MFN1: variants seen among roughly 807,000 people sequenced by gnomAD.
The protein encoded by MFN1 is mitofusin-1.
A neutral mutation model predicts 92.4 loss-of-function variants in MFN1; 65 were observed. The ratio of observed to expected loss-of-function variants is 0.70; its 90% CI spans 0.58 to 0.86. MFN1 has a LOEUF of 0.86. Ranked by LOEUF, MFN1 falls within the 40% of genes least tolerant of loss-of-function variation. The pLI is 0.00. For synonymous variants in MFN1, 297 were observed against 300.9 expected (o/e 0.99, Z 0.13); for missense variants, 781 against 868.0 (o/e 0.90, Z 1.26).
intron 16 of MFN1, among the ~76,000 whole-genome samples, chr3:179,389,271 TA>T (rs1383744329): frequency 1.3e-5 from 2 of 152,186 alleles, no homozygotes; most frequent in Non-Finnish European, 1.5e-5. Flanking sequence ...CTGAAATTCA[TA>T]TAAATAAAAA....
At chr3:179,390,820 G>T (rs1479505719) in intron 17 of MFN1, among the ~76,000 whole-genome samples, 1 of 152,138 alleles carries the variant, frequency 6.6e-6, no homozygotes. Context: ...ACACAAAATT[G>T]CCTGTGTAAG....
At chr3:179,366,441 A>G (rs529450387) in intron 7 of MFN1, among the ~76,000 whole-genome samples, 1 of 151,922 alleles carries the variant, frequency 6.6e-6, no homozygotes, top group African/African-American at 2.4e-5. Flanking sequence ...AAAAAGAAGT[A>G]TCTGGAATTT....
chr3:179,377,381 C>G lies in MFN1; in HGVS notation c.1262C>G (p.Ser421Cys). Residue 421 changes from serine (S) to cysteine (C), a missense_variant, in exon 12 of 18, where the codon TCT (serine) becomes TGT (cysteine). Ser to Cys is a moderately radical substitution (Grantham distance 112, BLOSUM62 -1). Coordinates refer to ENST00000471841, the MANE Select transcript of MFN1 (RefSeq NM_033540.3). Reference sequence around the variant, plus strand: ...ATGACAGATGAAATTTGTCGACTGTCTGTTTTGGTTGATGAATTTTGTTCA... The same window carrying G: ...ATGACAGATGAAATTTGTCGACTGTGTGTTTTGGTTGATGAATTTTGTTCA... ...CAMTDEICRL[S>C]VLVDEFCSEF... is the part of the protein sequence containing the mutation. 1 of 1,609,726 alleles carries G rather than the reference C, an allele frequency of 6.2e-7. No individual in the cohort carries two copies. Among genetic ancestry groups the G allele is most frequent in the Non-Finnish European group, 8.5e-7 (1 of 1,178,464 alleles).
chr3:179,379,343 A>T (rs531557574), intron 14 of MFN1, among the ~76,000 whole-genome samples: 1 of 152,266 alleles, frequency 6.6e-6, no homozygotes, highest in African/African-American at 2.4e-5. Context: ...CTGTTTAAAA[A>T]AAATTTTTTT....
At chr3:179,362,718 TGCAGTGCC>T (rs934637739) in intron 5 of MFN1, among the ~76,000 whole-genome samples, 16 of 152,156 alleles carry the variant, frequency 1.1e-4, no homozygotes, top group Non-Finnish European at 2.9e-5. Context: ...TTGGCCAGAG[TGCAGTGCC>T]GCAGTGCCAC....
Position 179,352,038 on chromosome 3 carries a change from AATT to A in MFN1, c.248+7_248+9del, listed in dbSNP as rs1384610892. ...ATGAAGGTGGCATTTTTTGGCAGGTAATTATTTATTATTACTTCTAAGATTAGT... is the reference window on the plus strand; with the variant it reads ...ATGAAGGTGGCATTTTTTGGCAGGTAATTTATTATTACTTCTAAGATTAGT... On this transcript the variant is annotated splice_donor_5th_base_variant and intron_variant, in intron 3 of 17. Coordinates refer to ENST00000471841, the MANE Select transcript of MFN1 (RefSeq NM_033540.3). The A allele has an allele frequency of 6.3e-7, 1 of 1,586,566 alleles. No homozygotes were observed. Among genetic ancestry groups the A allele is most frequent in the Admixed American group, 1.7e-5 (1 of 58,516 alleles).
chr3:179,378,565 T>C lies in MFN1; in HGVS notation c.1433-20T>C. 2.5e-6 allele frequency: 4 copies of C among 1,582,020 alleles called. No homozygotes were observed. Among genetic ancestry groups the C allele is most frequent in the Non-Finnish European group, 3.5e-6 (4 of 1,155,490 alleles). The stretch of plus-strand genomic sequence containing the variant: ...CATTTACCATTCTTATCTTAAGTGT[T>C]GTAATTTTGTTCTTTCTAGAAAATT... On this transcript the variant is annotated intron_variant, in intron 13 of 17. Transcript: ENST00000471841.
intron 16 of MFN1, among the ~76,000 whole-genome samples, chr3:179,388,172 A>C (rs1713765398): frequency 6.6e-6 from 1 of 151,876 alleles, no homozygotes; most frequent in African/African-American, 2.4e-5. Flanking sequence ...CACAGGCGTG[A>C]GCCACCGCGC....
Position 179,362,409 on chromosome 3 carries a change from G to A in MFN1, c.463G>A (p.Gly155Ser), listed in dbSNP as rs201683587. 3 of 1,613,366 alleles carry A rather than the reference G, an allele frequency of 1.9e-6. No individual in the cohort carries two copies. Among genetic ancestry groups the A allele is most frequent in the Non-Finnish European group, 2.5e-6 (3 of 1,179,938 alleles). ...TCACATGGACAAAGATTTGAAAGCT[G>A]GCTGTCTTGTACGTGTGTTTTGGCC... ...ALHMDKDLKAGCLVRVFWPKA... is the reference protein window; with the variant it reads ...ALHMDKDLKASCLVRVFWPKA... The change falls in exon 5 of 18, where the codon GGC (glycine) becomes AGC (serine). Residue 155 changes from glycine (G) to serine (S), a missense_variant. Transcript: ENST00000471841.
chr3:179,361,891 T>C (rs1427892368), intron 4 of MFN1, among the ~76,000 whole-genome samples: 1 of 152,204 alleles, frequency 6.6e-6, no homozygotes, highest in South Asian at 2.1e-4. Context: ...GTTTCTGCAT[T>C]AATTGACTTA....
At chr3:179,367,749 C>G (rs1047035233) in intron 8 of MFN1, among the ~76,000 whole-genome samples, 157 bp downstream of exon 8, 4 of 151,782 alleles carry the variant, frequency 2.6e-5, no homozygotes, top group African/African-American at 9.7e-5. Flanking sequence ...ATGGTGAAAC[C>G]CCATCTCTAC....
chr3:179,363,714 A>G (rs1712672466), intron 5 of MFN1, among the ~76,000 whole-genome samples: 1 of 152,008 alleles, frequency 6.6e-6, no homozygotes, highest in Non-Finnish European at 1.5e-5. Context: ...GGCTGGTCTC[A>G]AAGTCCTGGA....
At position 179,367,426 on chromosome 3, in the gene MFN1, G is replaced by A. The variant is rs1315883574; in HGVS notation, c.754-13G>A. ...AAATTATTAGAATTCTTTTAATACC[G>A]TTTTCTCTGTAGGTACGCAGACAGC... On this transcript the variant is annotated splice_polypyrimidine_tract_variant and intron_variant, in intron 7 of 17. Transcript: ENST00000471841. 8.2e-6 allele frequency: 13 copies of A among 1,591,394 alleles called. No homozygotes were observed. Among genetic ancestry groups the A allele is most frequent in the East Asian group, 2.3e-5 (1 of 44,412 alleles).
intron 1 of MFN1, 174 bp downstream of exon 1, chr3:179,347,984 CGAGCCCACG>C (rs1174479254): frequency 6.6e-6 from 1 of 151,498 alleles, no homozygotes; most frequent in Non-Finnish European, 1.5e-5. Context: ...GCGGCCGAGT[CGAGCCCACG>C]GAGCCCACGA....
At chr3:179,385,063 G>A (rs1168371528) in intron 14 of MFN1, among the ~76,000 whole-genome samples, 1 of 150,510 alleles carries the variant, frequency 6.6e-6, no homozygotes, top group African/African-American at 2.5e-5. Flanking sequence ...CCACCACCTC[G>A]CTGGGCTAAT....
chr3:179,391,729 C>T (rs1011288283), intron 17 of MFN1, among the ~76,000 whole-genome samples: 4 of 152,208 alleles, frequency 2.6e-5, no homozygotes, highest in South Asian at 2.1e-4. Flanking sequence ...ATGCCATTGC[C>T]GCTGTAACAT....
chr3:179,387,029 C>A (rs1023728178), intron 16 of MFN1, among the ~76,000 whole-genome samples: 2 of 152,058 alleles, frequency 1.3e-5, no homozygotes, highest in African/African-American at 4.8e-5. Flanking sequence ...GATCTTACTG[C>A]CTCAGCCTCC....
chr3:179,386,966 G>A (rs115477107), intron 16 of MFN1, among the ~76,000 whole-genome samples: 1,857 of 152,058 alleles, frequency 0.012, 35 homozygotes, highest in African/African-American at 0.043. Context: ...CGCCCAGGCT[G>A]GAGGGCAGTG....
At chr3:179,385,127 A>G (rs1382298578) in intron 14 of MFN1, among the ~76,000 whole-genome samples, 1 of 149,886 alleles carries the variant, frequency 6.7e-6, no homozygotes, top group Non-Finnish European at 1.5e-5. Context: ...GTTAGCCAGG[A>G]TGGTCTCGAT....
Sources: gnomAD v4.1 joint callset for allele counts (sites outside exome capture counted in the v4.1 genomes callset) on GRCh38, gnomAD v4.1.1 for gene constraint, MANE v1.5 for transcripts, NCBI Gene and HGNC (gene_info 2026-07-23, HGNC 2026-07-21) for gene names.